The following SLC24A4 variants were observed in gnomAD, a reference collection of about 807,000 sequenced individuals.
The protein encoded by SLC24A4 is solute carrier family 24 member 4.
Under a neutral mutation model 79.0 loss-of-function variants are expected in SLC24A4, and 53 were observed. The ratio of observed to expected loss-of-function variants is 0.67; its 90% CI spans 0.54 to 0.84. The LOEUF (loss-of-function observed/expected upper bound fraction) is 0.84. SLC24A4 is among the 40% of genes least tolerant of loss of function. The probability of loss-of-function intolerance (pLI) is 0.00; values close to 1 mark genes in which losing one functional copy is unlikely to be tolerated. For synonymous variants in SLC24A4, 323 were observed against 323.8 expected, an observed-to-expected ratio of 1.00 and a Z score of 0.03; for missense variants, 731 against 822.0, an observed-to-expected ratio of 0.89 and a Z score of 1.35.
chr14:92,414,572 C>T (rs1223041549), intron 2 of SLC24A4, among the ~76,000 whole-genome samples: 3 of 152,054 alleles, frequency 2.0e-5, no homozygotes, highest in Non-Finnish European at 2.9e-5. Context: ...CCCAGCTCTA[C>T]AAAAACAAAC....
intron 2 of SLC24A4, among the ~76,000 whole-genome samples, chr14:92,336,329 A>G (rs1236555641): frequency 2.0e-5 from 3 of 152,212 alleles, no homozygotes; most frequent in Non-Finnish European, 4.4e-5. Context: ...GCATTTTACT[A>G]AAAAGGAATA....
chr14:92,467,686 G>A (rs1455305462), intron 12 of SLC24A4, among the ~76,000 whole-genome samples: 1 of 152,184 alleles, frequency 6.6e-6, no homozygotes, highest in Non-Finnish European at 1.5e-5. Flanking sequence ...AGCATGTGCT[G>A]GGAGGAAAAG....
At position 92,477,784 on chromosome 14, in the gene SLC24A4, C is replaced by CT. The variant is rs34635349; in HGVS notation, c.1256-4880dup. Among the ~76,000 whole-genome samples the CT allele has an allele frequency of 4.5e-3, 558 of 124,810 alleles. 4 individuals carry two copies. The highest frequency in any genetic ancestry group is 0.015 in the African/African-American group (503 of 34,118). The allele number at this position is 124,810 out of a possible 152,430, so 81.9% of individuals were successfully genotyped here. On this transcript the variant is annotated intron_variant, in intron 12 of 16. Coordinates refer to ENST00000532405, the MANE Select transcript of SLC24A4 (RefSeq NM_153646.4). ...TTCCTTTTTTTCTTTTTTCTTTTCT[C>CT]TTTTTTTTTTTTTTTTGAGACAGAG...
At chr14:92,373,198 A>ACG (rs1566722382) in intron 2 of SLC24A4, among the ~76,000 whole-genome samples, 1 of 49,328 alleles carries the variant, frequency 2.0e-5, no homozygotes, top group Non-Finnish European at 6.7e-5. Context: ...ACACACGCAC[A>ACG]CACACACACA....
At chr14:92,390,979 T>A (rs958594201) in intron 2 of SLC24A4, among the ~76,000 whole-genome samples, 1 of 152,172 alleles carries the variant, frequency 6.6e-6, no homozygotes, top group East Asian at 1.9e-4. Flanking sequence ...GCTTGTCTCC[T>A]CTCAGGCCCA....
chr14:92,465,874 G>A (rs1894083123), intron 12 of SLC24A4, among the ~76,000 whole-genome samples: 1 of 152,048 alleles, frequency 6.6e-6, no homozygotes, highest in Non-Finnish European at 1.5e-5. Context: ...CACTCAGCTG[G>A]GCCTGCCTCT....
rs1436670924 is a variant in SLC24A4, at chr14:92,492,172, C to T, written c.1651-3C>T. On this transcript the variant is annotated splice_polypyrimidine_tract_variant and splice_region_variant and intron_variant, in intron 15 of 16. Transcript: ENST00000532405. ...CTCAGGGCACGTGTGTTTGATTTTC[C>T]AGGTGAAGATCAACAGCCGGGGGCT... is the stretch of plus-strand genomic sequence containing the variant. 1 of 1,613,836 alleles carries T rather than the reference C, an allele frequency of 6.2e-7. No individual in the cohort carries two copies. The highest frequency in any genetic ancestry group is 8.5e-7 in the Non-Finnish European group (1 of 1,179,866).
intron 2 of SLC24A4, among the ~76,000 whole-genome samples, chr14:92,348,486 A>G (rs1886670753): frequency 6.6e-6 from 1 of 152,162 alleles, no homozygotes; most frequent in African/African-American, 2.4e-5. Context: ...AACTTTGTCA[A>G]CCCTGGGCCA....
chr14:92,405,073 G>T (rs1294543214), intron 2 of SLC24A4, among the ~76,000 whole-genome samples: 1 of 152,054 alleles, frequency 6.6e-6, no homozygotes, highest in Non-Finnish European at 1.5e-5. Flanking sequence ...TAGTGATGAA[G>T]TACTTGCTGA....
At chr14:92,374,599 C>G (rs978743377) in intron 2 of SLC24A4, among the ~76,000 whole-genome samples, 1 of 152,214 alleles carries the variant, frequency 6.6e-6, no homozygotes, top group Admixed American at 6.5e-5. Flanking sequence ...TCTCTTGCAA[C>G]CACTCCCACT....
intron 13 of SLC24A4, 67 bp downstream of exon 13, chr14:92,482,913 GC>G: frequency 6.7e-7 from 1 of 1,503,188 alleles, no homozygotes; most frequent in Admixed American, 2.0e-5. Context: ...TGGGTTCAAG[GC>G]TAACCACAGG....
chr14:92,439,942 G>T (rs570207997), intron 4 of SLC24A4, among the ~76,000 whole-genome samples: 1 of 152,320 alleles, frequency 6.6e-6, no homozygotes, highest in South Asian at 2.1e-4. Flanking sequence ...GTATCTCATT[G>T]CTCCACCTTA....
chr14:92,355,376 C>T (rs564674073), intron 2 of SLC24A4, among the ~76,000 whole-genome samples: 17 of 152,114 alleles, frequency 1.1e-4, no homozygotes, highest in Non-Finnish European at 2.4e-4. Flanking sequence ...TGGAGACACA[C>T]GTGGACACTG....
At chr14:92,467,419 G>A (rs1894184205) in intron 12 of SLC24A4, among the ~76,000 whole-genome samples, 1 of 152,194 alleles carries the variant, frequency 6.6e-6, no homozygotes, top group African/African-American at 2.4e-5. Context: ...CTGACTAATG[G>A]CCTCAACAAA....
chr14:92,343,783 T>A (rs1055997513), intron 2 of SLC24A4, among the ~76,000 whole-genome samples: 45 of 150,974 alleles, frequency 3.0e-4, no homozygotes, highest in African/African-American at 1.1e-3. Flanking sequence ...GCTCACTGCA[T>A]CCTCCGCCTC....
intron 2 of SLC24A4, among the ~76,000 whole-genome samples, chr14:92,409,596 A>C (rs924008499): frequency 2.6e-5 from 4 of 152,198 alleles, no homozygotes; most frequent in African/African-American, 4.8e-5. Flanking sequence ...AAGAAACAAA[A>C]TATTACCAGA....
chr14:92,324,044 C>A, intron 1 of SLC24A4, 84 bp downstream of exon 1: 2 of 1,519,136 alleles, frequency 1.3e-6, no homozygotes, highest in Non-Finnish European at 1.8e-6. Context: ...GATGTTTTCC[C>A]CTCCTTCCTC....
intron 2 of SLC24A4, among the ~76,000 whole-genome samples, chr14:92,389,916 C>T (rs1889370947): frequency 6.6e-6 from 1 of 152,220 alleles, no homozygotes; most frequent in African/African-American, 2.4e-5. Flanking sequence ...TATTCCCAAG[C>T]ATCCTCTGCA....
intron 12 of SLC24A4, among the ~76,000 whole-genome samples, chr14:92,469,528 T>C (rs1171842520): frequency 6.7e-6 from 1 of 150,270 alleles, no homozygotes; most frequent in Non-Finnish European, 1.5e-5. Flanking sequence ...AGGTTAAACA[T>C]AGAGTCACCA....
Sources: gnomAD v4.1 joint callset for allele counts (sites outside exome capture counted in the v4.1 genomes callset) on GRCh38, gnomAD v4.1.1 for gene constraint, MANE v1.5 for transcripts, NCBI Gene and HGNC (gene_info 2026-07-23, HGNC 2026-07-21) for gene names.